Variants in TBXAS1 observed in about 807,000 individuals in gnomAD.
TBXAS1 encodes thromboxane-A synthase.
TBXAS1 carries 48 observed loss-of-function variants against 60.7 expected under a neutral mutation model. That is an observed-to-expected ratio of 0.79 (90% CI 0.63 to 1.01). The LOEUF is 1.01. Among genes scored for constraint, TBXAS1 ranks in the 50% least tolerant of loss-of-function variants. The probability of loss-of-function intolerance (pLI) is 0.00; values close to 1 mark genes in which losing one functional copy is unlikely to be tolerated. For synonymous variants in TBXAS1, 287 were observed against 269.7 expected, an observed-to-expected ratio of 1.06 and a Z score of -0.63; for missense variants, 685 against 686.3, an observed-to-expected ratio of 1.00 and a Z score of 0.02.
intron 1 of TBXAS1, among the ~76,000 whole-genome samples, chr7:139,843,280 G>C (rs1373511573): frequency 6.6e-6 from 1 of 152,086 alleles, no homozygotes. Flanking sequence ...CTGTGGACTT[G>C]CTTCCTATCT....
At chr7:139,802,056 G>A (rs535569961) in intron 4 of TBXAS1, among the ~76,000 whole-genome samples, 16 of 152,158 alleles carry the variant, frequency 1.1e-4, no homozygotes, top group African/African-American at 3.1e-4. Flanking sequence ...GAGCCACCAC[G>A]TCCAGTCACA....
intron 4 of TBXAS1, among the ~76,000 whole-genome samples, chr7:139,932,166 C>CA (rs56765418): frequency 0.033 from 2,151 of 65,576 alleles, 71 homozygotes; most frequent in African/African-American, 0.078. Context: ...GACTCCATCT[C>CA]AAAAAAAAAA....
chr7:139,836,686 A>G (rs1799088884), intron 1 of TBXAS1, among the ~76,000 whole-genome samples: 1 of 152,238 alleles, frequency 6.6e-6, no homozygotes, highest in African/African-American at 2.4e-5. Context: ...AAAGACTTAA[A>G]CCTAAGACCT....
intron 3 of TBXAS1, 34 bp from the exon 4 acceptor site, chr7:139,911,191 C>A: frequency 6.3e-7 from 1 of 1,582,462 alleles, no homozygotes; most frequent in Non-Finnish European, 8.7e-7. Context: ...ATGGGTAATG[C>A]AACACATTTT....
At chr7:139,899,327 A>T (rs752605803) in intron 3 of TBXAS1, among the ~76,000 whole-genome samples, 1 of 152,184 alleles carries the variant, frequency 6.6e-6, no homozygotes, top group South Asian at 2.1e-4. Context: ...CACCAGGAAC[A>T]GTCTATAGCT....
intron 5 of TBXAS1, among the ~76,000 whole-genome samples, chr7:139,943,931 CCTTA>C (rs1266022309): frequency 6.6e-6 from 1 of 152,066 alleles, no homozygotes; most frequent in Non-Finnish European, 1.5e-5. Flanking sequence ...AGCAGCTGAC[CCTTA>C]CTTATTCAGA....
At chr7:139,994,820 A>G (rs1813178413) in intron 9 of TBXAS1, among the ~76,000 whole-genome samples, 1 of 152,208 alleles carries the variant, frequency 6.6e-6, no homozygotes, top group Non-Finnish European at 1.5e-5. Context: ...CTGTTCAATA[A>G]TAGATTCCCA....
chr7:139,845,948 A>G (rs555554232), intron 1 of TBXAS1, among the ~76,000 whole-genome samples: 33 of 150,330 alleles, frequency 2.2e-4, no homozygotes, highest in African/African-American at 7.9e-4. Flanking sequence ...CCCCAGCCCC[A>G]TGAGTAGCTG....
rs183551347 is a variant in TBXAS1 at position 139,861,449 on chromosome 7, T to G, written c.90-10786T>G. Among the ~76,000 whole-genome samples the G allele has an allele frequency of 4.5e-3, 680 of 151,284 alleles. 2 individuals carry two copies. Among genetic ancestry groups the G allele is most frequent in the Non-Finnish European group, 7.6e-3 (513 of 67,818 alleles). Reference sequence around the variant, plus strand: ...TTTTTTTTTTTTTTGGATCTCACTTTGTTGCCCAGGCTGGTCTGAACTCCT... The same window carrying G: ...TTTTTTTTTTTTTTGGATCTCACTTGGTTGCCCAGGCTGGTCTGAACTCCT... On this transcript the variant is annotated intron_variant, in intron 1 of 12. Coordinates refer to ENST00000448866, the MANE Select transcript of TBXAS1 (RefSeq NM_001061.7).
intron 11 of TBXAS1, 37 bp downstream of exon 11, chr7:140,015,897 G>A (rs767919638): frequency 2.3e-5 from 37 of 1,612,192 alleles, no homozygotes; most frequent in Non-Finnish European, 3.0e-5. Flanking sequence ...CTGAAGGGAT[G>A]TGAGTGTGTG....
intron 3 of TBXAS1, among the ~76,000 whole-genome samples, chr7:139,883,543 C>T (rs929885072): frequency 2.0e-5 from 3 of 152,158 alleles, no homozygotes; most frequent in African/African-American, 7.2e-5. Flanking sequence ...GTATTAATTC[C>T]CTCTTCTTTG....
At chr7:139,960,288 C>G (rs985622481) in intron 8 of TBXAS1, among the ~76,000 whole-genome samples, 2 of 152,196 alleles carry the variant, frequency 1.3e-5, no homozygotes, top group African/African-American at 4.8e-5. Context: ...ATTCACTTGT[C>G]ATCAAACTCA....
At chr7:139,965,436 A>C (rs1340661534) in intron 9 of TBXAS1, among the ~76,000 whole-genome samples, 1 of 151,970 alleles carries the variant, frequency 6.6e-6, no homozygotes, top group Non-Finnish European at 1.5e-5. Flanking sequence ...CCCGCATTTT[A>C]TTTTATTTTA....
At chr7:139,922,393 C>A (rs1280918501) in intron 4 of TBXAS1, among the ~76,000 whole-genome samples, 1 of 152,010 alleles carries the variant, frequency 6.6e-6, no homozygotes, top group Admixed American at 6.5e-5. Flanking sequence ...TGAGCCACCG[C>A]GCCCAGCCGA....
At chr7:139,980,148 A>G (rs1234476304) in intron 9 of TBXAS1, among the ~76,000 whole-genome samples, 3 of 152,178 alleles carry the variant, frequency 2.0e-5, no homozygotes, top group Admixed American at 1.3e-4. Flanking sequence ...TTCTGCTGAT[A>G]TGAGCCATAA....
chr7:139,994,211 T>C (rs1172304815), intron 9 of TBXAS1, among the ~76,000 whole-genome samples: 1 of 152,200 alleles, frequency 6.6e-6, no homozygotes, highest in Non-Finnish European at 1.5e-5. Flanking sequence ...TTGGCTAATT[T>C]TTTGTATTTT....
At chr7:139,822,685 C>G (rs1798331090) in intron 4 of TBXAS1, among the ~76,000 whole-genome samples, 1 of 152,114 alleles carries the variant, frequency 6.6e-6, no homozygotes, top group African/African-American at 2.4e-5. Flanking sequence ...CAGGGGTGAT[C>G]CTTGACGTCC....
rs376526095 is a variant in TBXAS1 at position 139,829,370 on chromosome 7, C to T, written c.-21C>T. 2.4e-5 allele frequency: 38 copies of T among 1,609,740 alleles called. No homozygotes were observed. The highest frequency in any genetic ancestry group is 3.3e-4 in the Middle Eastern group (2 of 6,058). On this transcript the variant is annotated 5_prime_UTR_variant, in exon 1 of 13. Coordinates refer to ENST00000448866, the MANE Select transcript of TBXAS1 (RefSeq NM_001061.7). ...TCCTGTCTCATCTGGAAGACCACCA[C>T]TCTGGGGTCTCAGAGGAATGATGGA...
rs752476058 is a variant in TBXAS1, at chr7:139,953,472, T to C, written c.539+16T>C. Reference sequence around the variant, plus strand: ...ACATCCAGAGGTAAGGCTGCTGCATTACAGATGAGAAATCGAGTTTTTGAA... The same window carrying C: ...ACATCCAGAGGTAAGGCTGCTGCATCACAGATGAGAAATCGAGTTTTTGAA... On this transcript the variant is annotated intron_variant, in intron 6 of 12. Transcript: ENST00000448866. 6.2e-7 allele frequency: 1 copy of C among 1,612,692 alleles called. No individual in the cohort carries two copies. The highest frequency in any genetic ancestry group is 2.2e-5 in the East Asian group (1 of 44,874).
Sources: gnomAD v4.1 joint callset for allele counts (sites outside exome capture counted in the v4.1 genomes callset) on GRCh38, gnomAD v4.1.1 for gene constraint, MANE v1.5 for transcripts, NCBI Gene and HGNC (gene_info 2026-07-23, HGNC 2026-07-21) for gene names.